PLD5: variants seen among roughly 807,000 people sequenced by gnomAD.
PLD5 encodes the protein phospholipase D family member 5.
Under a neutral mutation model 61.1 loss-of-function variants are expected in PLD5, and 36 were observed. That is an observed-to-expected ratio of 0.59 (90% CI 0.45 to 0.78). PLD5 has a LOEUF of 0.78. Among genes scored for constraint, PLD5 ranks in the 30% least tolerant of loss-of-function variants. PLD5 has a pLI of 0.00. For synonymous variants in PLD5, 243 were observed against 242.8 expected, an observed-to-expected ratio of 1.00 and a Z score of -0.01; for missense variants, 515 against 644.4, an observed-to-expected ratio of 0.80 and a Z score of 2.17.
intron 1 of PLD5, among the ~76,000 whole-genome samples, chr1:242,482,706 A>G (rs1318397152): frequency 6.6e-6 from 1 of 151,960 alleles, no homozygotes; most frequent in Non-Finnish European, 1.5e-5. Context: ...AAATACAGAG[A>G]ATGCCACAAA....
intron 4 of PLD5, among the ~76,000 whole-genome samples, chr1:242,239,342 G>C (rs527836030): frequency 6.6e-6 from 1 of 152,210 alleles, no homozygotes; most frequent in South Asian, 2.1e-4. Flanking sequence ...ATTCTAAAAA[G>C]AGAAAGCTTA....
intron 2 of PLD5, among the ~76,000 whole-genome samples, chr1:242,341,388 T>C (rs901124421): frequency 4.6e-5 from 7 of 152,240 alleles, no homozygotes; most frequent in South Asian, 2.1e-4. Context: ...GTGTGTACTA[T>C]GCTGAAGCGG....
At chr1:242,291,666 C>T (rs903472850) in intron 2 of PLD5, among the ~76,000 whole-genome samples, 3 of 151,836 alleles carry the variant, frequency 2.0e-5, no homozygotes, top group African/African-American at 4.8e-5. Context: ...ATTAGCCAGG[C>T]GTGGTGGTGG....
chr1:242,402,629 A>G (rs893876180), intron 1 of PLD5, among the ~76,000 whole-genome samples: 7 of 152,214 alleles, frequency 4.6e-5, no homozygotes, highest in African/African-American at 9.6e-5. Context: ...TAATGTGTCT[A>G]TGAAAGCTAC....
chr1:242,234,696 G>A (rs147770052), intron 4 of PLD5, among the ~76,000 whole-genome samples: 1 of 152,206 alleles, frequency 6.6e-6, no homozygotes, highest in African/African-American at 2.4e-5. Flanking sequence ...AGTGGCACGT[G>A]CTCACCTCCC....
chr1:242,108,143 G>T (rs1007868842), intron 7 of PLD5, among the ~76,000 whole-genome samples: 2 of 152,084 alleles, frequency 1.3e-5, no homozygotes. Context: ...CATCTCTGAC[G>T]CTACCTGGGC....
chr1:242,273,427 TA>T (rs1674227500), intron 3 of PLD5, among the ~76,000 whole-genome samples: 1 of 152,166 alleles, frequency 6.6e-6, no homozygotes, highest in South Asian at 2.1e-4. Flanking sequence ...TCGAAACAGT[TA>T]AAAAGGTTTA....
chr1:242,527,114 CTTTTTTTTTTTTTTTTTTT>C (rs530334746), upstream of PLD5, among the ~76,000 whole-genome samples: 5 of 71,944 alleles, frequency 6.9e-5, no homozygotes, highest in Admixed American at 1.9e-4. Flanking sequence ...CTATCTCCTT[CTTTTTTTTTTTTTTTTTTT>C]TTTTTTTTTT....
intron 1 of PLD5, among the ~76,000 whole-genome samples, chr1:242,452,367 T>C (rs1346163134): frequency 1.3e-5 from 2 of 152,188 alleles, no homozygotes; most frequent in Non-Finnish European, 2.9e-5. Flanking sequence ...ACTTTTCAGC[T>C]TGATCTTGTC....
intron 1 of PLD5, among the ~76,000 whole-genome samples, chr1:242,516,543 G>A (rs917189622): frequency 2.0e-5 from 3 of 152,044 alleles, no homozygotes; most frequent in African/African-American, 7.2e-5. Flanking sequence ...GTATTTTAAT[G>A]TGGATATGCA....
intron 2 of PLD5, among the ~76,000 whole-genome samples, chr1:242,292,585 A>G (rs1675431575): frequency 3.9e-5 from 6 of 152,340 alleles, no homozygotes; most frequent in Admixed American, 3.9e-4. Flanking sequence ...ATCTATGGGT[A>G]GAATTCAGGG....
At chr1:242,528,298 C>T (rs1669488743), upstream of PLD5, among the ~76,000 whole-genome samples, 1 of 152,066 alleles carries the variant, frequency 6.6e-6, no homozygotes, top group South Asian at 2.1e-4. Context: ...CTATAGAGTC[C>T]AATGTTACTG....
intron 7 of PLD5, among the ~76,000 whole-genome samples, chr1:242,112,310 T>G (rs1661574706): frequency 9.4e-6 from 1 of 106,808 alleles, no homozygotes; most frequent in East Asian, 2.5e-4. Context: ...TGTGTGTGTG[T>G]GTGTGTGTGT....
intron 7 of PLD5, among the ~76,000 whole-genome samples, chr1:242,110,851 AAT>A (rs1661429363): frequency 6.6e-6 from 1 of 152,118 alleles, no homozygotes; most frequent in Non-Finnish European, 1.5e-5. Flanking sequence ...TGAATACATA[AAT>A]AAAAAGCATT....
chr1:242,455,222 T>G (rs1022678438), intron 1 of PLD5, among the ~76,000 whole-genome samples: 1 of 152,238 alleles, frequency 6.6e-6, no homozygotes, highest in African/African-American at 2.4e-5. Flanking sequence ...TTGCAAATCA[T>G]TTGAAAGGCT....
chr1:242,153,394 C>T (rs1472417943), intron 5 of PLD5, among the ~76,000 whole-genome samples: 1 of 151,338 alleles, frequency 6.6e-6, no homozygotes, highest in East Asian at 2.0e-4. Flanking sequence ...GTTTCCATTG[C>T]TTTTGGTGTT....
At chr1:242,293,531 G>A (rs765191318) in intron 2 of PLD5, among the ~76,000 whole-genome samples, 2 of 152,130 alleles carry the variant, frequency 1.3e-5, no homozygotes, top group Non-Finnish European at 2.9e-5. Flanking sequence ...AGGTAGATAT[G>A]AATAGGAAAA....
intron 1 of PLD5, among the ~76,000 whole-genome samples, chr1:242,411,403 T>C (rs1039940591): frequency 2.1e-4 from 32 of 152,196 alleles, no homozygotes; most frequent in Admixed American, 7.2e-4. Flanking sequence ...GCCCGGCTAA[T>C]TTTTTGTATT....
rs139660878 is a variant in PLD5, at chr1:242,233,898, C to T, written c.608-13783G>A. ...CAAAGTCAGACTAAATGTACTGGGG[C>T]GGAAAAGGAGCCAGCATTGTGAAGG... On this transcript the variant is annotated intron_variant, in intron 4 of 9. Coordinates refer to ENST00000536534, the MANE Select transcript of PLD5 (RefSeq NM_001372062.1). Among the ~76,000 whole-genome samples the T allele has an allele frequency of 4.3e-3, 660 of 152,106 alleles. 1 individual carries two copies. The highest frequency in any genetic ancestry group is 0.01 in the African/African-American group (417 of 41,494).
Sources: gnomAD v4.1 joint callset for allele counts (sites outside exome capture counted in the v4.1 genomes callset) on GRCh38, gnomAD v4.1.1 for gene constraint, MANE v1.5 for transcripts, NCBI Gene and HGNC (gene_info 2026-07-23, HGNC 2026-07-21) for gene names.